Variants in DPP6 observed in about 807,000 individuals in gnomAD.
DPP6 encodes dipeptidyl peptidase like 6.
Under a neutral mutation model 122.6 loss-of-function variants are expected in DPP6, and 69 were observed. The ratio of observed to expected loss-of-function variants is 0.56; its 90% CI spans 0.46 to 0.69. The LOEUF is 0.69. Ranked by LOEUF, DPP6 falls within the 30% of genes least tolerant of loss-of-function variation. The pLI is 0.00. For synonymous variants in DPP6, 418 were observed against 433.1 expected, an observed-to-expected ratio of 0.97 and a Z score of 0.43; for missense variants, 928 against 1,116.9, an observed-to-expected ratio of 0.83 and a Z score of 2.41.
the DPP6 span, among the ~76,000 whole-genome samples, chr7:153,867,492 A>C: frequency 6.6e-6 from 1 of 152,194 alleles, no homozygotes; most frequent in Non-Finnish European, 1.5e-5. Flanking sequence ...ATATTTGCAC[A>C]TTGATTTTGT....
the DPP6 span, among the ~76,000 whole-genome samples, chr7:153,798,953 A>G: frequency 9.2e-5 from 14 of 152,302 alleles, no homozygotes; most frequent in East Asian, 1.4e-3. Flanking sequence ...ATCTAATGCC[A>G]CTGCTGATCT....
intron 5 of DPP6, among the ~76,000 whole-genome samples, chr7:154,608,222 G>A (rs899021651): frequency 3.3e-5 from 5 of 150,306 alleles, no homozygotes; most frequent in Admixed American, 6.7e-5. Flanking sequence ...CTCGTGATCC[G>A]CCCCCTCGGC....
At chr7:153,772,459 T>TA in the DPP6 span, among the ~76,000 whole-genome samples, 190 of 151,860 alleles carry the variant, frequency 1.3e-3, 4 homozygotes, top group African/African-American at 4.2e-3. Flanking sequence ...CAACCACCAA[T>TA]AAAATGTGTA....
intron 1 of DPP6, among the ~76,000 whole-genome samples, chr7:154,062,694 C>G (rs529977821): frequency 1.5e-5 from 1 of 65,754 alleles, no homozygotes; most frequent in African/African-American, 9.6e-5. Flanking sequence ...GCTATCCTCT[C>G]TTCCGCACCT....
intron 5 of DPP6, among the ~76,000 whole-genome samples, chr7:154,575,522 ATG>A (rs1315586211): frequency 6.7e-5 from 5 of 74,714 alleles, no homozygotes; most frequent in South Asian, 1.1e-3. Context: ...TGGTGTGTGT[ATG>A]TGCGTAGTGT....
chr7:154,378,259 C>T (rs1025566228), intron 1 of DPP6, among the ~76,000 whole-genome samples: 4 of 152,148 alleles, frequency 2.6e-5, no homozygotes, highest in African/African-American at 9.7e-5. Context: ...TTACTCTATA[C>T]ATGAAAGCAG....
Position 154,052,704 on chromosome 7 carries a change from G to T in DPP6, c.-117G>T. The T allele has an allele frequency of 8.2e-7, 1 of 1,222,118 alleles. No homozygotes were observed. The highest frequency in any genetic ancestry group is 1.6e-5 in the South Asian group (1 of 61,286). The allele number at this position is 1,222,118 out of a possible 1,614,324, so 75.7% of individuals were successfully genotyped here. A position where few individuals can be genotyped will look rare whatever the true frequency, so the allele number is the denominator to read the frequency against. The stretch of plus-strand genomic sequence containing the variant: ...GGCTTGCCTTGCTGCTGCTGCTGCT[G>T]CTGCCTCCCCACCGCCTTTTTTTTT... On this transcript the variant is annotated 5_prime_UTR_variant, in exon 1 of 26. Transcript: ENST00000377770. This position sits in a 1 kb window ranked among gnomAD's most constrained non-coding sequence, Gnocchi z 4.8.
chr7:154,399,252 C>T (rs1275607049), intron 1 of DPP6, among the ~76,000 whole-genome samples: 3 of 152,134 alleles, frequency 2.0e-5, no homozygotes, highest in Non-Finnish European at 2.9e-5. Flanking sequence ...CCCAGGTAAC[C>T]GTGATCTTTG....
the DPP6 span, among the ~76,000 whole-genome samples, chr7:153,798,173 A>G: frequency 3.3e-5 from 5 of 152,172 alleles, no homozygotes; most frequent in African/African-American, 7.2e-5. Context: ...CGCTAATCCC[A>G]TCATGGGAGC....
rs527875516 is a variant in DPP6, at chr7:153,944,269, ATG to A, written c.51+56541_51+56542del. On this transcript the variant is annotated intron_variant, in intron 1 of 25. Coordinates refer to the DPP6 transcript ENST00000404039. ...TGTTTGCATGGGTGTGCGTTTGTGCATGTGTGTTCACCGCCACTAGAGTGAGT... is the reference window on the plus strand; with the variant it reads ...TGTTTGCATGGGTGTGCGTTTGTGCATGTGTTCACCGCCACTAGAGTGAGT... Among the ~76,000 whole-genome samples, 15 of 152,252 alleles carry A rather than the reference ATG, an allele frequency of 9.9e-5. No individual in the cohort carries two copies. In the South Asian group the frequency reaches 2.9e-3, roughly 30 times the overall value.
At chr7:154,688,053 G>A (rs1334194330) in intron 7 of DPP6, among the ~76,000 whole-genome samples, 9 of 152,168 alleles carry the variant, frequency 5.9e-5, no homozygotes, top group Admixed American at 6.5e-5. Flanking sequence ...AACACCACAC[G>A]TTCTTACTAC....
At chr7:153,931,383 A>C (rs555220053) in intron 1 of DPP6, among the ~76,000 whole-genome samples, 2 of 152,338 alleles carry the variant, frequency 1.3e-5, no homozygotes, top group Admixed American at 1.3e-4. Flanking sequence ...CAGTCTTAGC[A>C]CTAAGGCAGC....
the DPP6 span, among the ~76,000 whole-genome samples, chr7:153,780,879 TTCTCATGGGATGGA>T: frequency 0.019 from 2,856 of 152,284 alleles, 34 homozygotes; most frequent in African/African-American, 0.036. Context: ...TAAGAATGTT[TTCTCATGGGATGGA>T]TCACAACCTG....
chr7:154,402,105 C>A (rs1472326582), intron 1 of DPP6, among the ~76,000 whole-genome samples: 3 of 150,988 alleles, frequency 2.0e-5, no homozygotes, highest in African/African-American at 4.9e-5. Flanking sequence ...ACAACAGGTG[C>A]TGGAGAGGAT....
intron 1 of DPP6, among the ~76,000 whole-genome samples, chr7:153,998,830 T>C (rs1392106567): frequency 6.6e-6 from 1 of 152,246 alleles, no homozygotes; most frequent in Non-Finnish European, 1.5e-5. Context: ...CAATTTTCAT[T>C]ACACCCCAGA....
intron 2 of DPP6, among the ~76,000 whole-genome samples, chr7:154,472,891 T>C (rs1316620990): frequency 6.6e-6 from 1 of 152,170 alleles, no homozygotes; most frequent in Non-Finnish European, 1.5e-5. Flanking sequence ...GTTTTAAAAA[T>C]ACCTTTAAAA....
At chr7:154,718,582 A>G (rs372838109) in intron 7 of DPP6, among the ~76,000 whole-genome samples, 7 of 148,380 alleles carry the variant, frequency 4.7e-5, no homozygotes, top group African/African-American at 1.5e-4. Flanking sequence ...TGTGGAACCC[A>G]CAGTGAGGTC....
the DPP6 span, among the ~76,000 whole-genome samples, chr7:153,770,170 G>A: frequency 2.0e-4 from 30 of 152,220 alleles, no homozygotes; most frequent in African/African-American, 6.3e-4. Context: ...TTAATCTGCC[G>A]TGGGAAAGAG....
At chr7:154,749,212 AGG>A (rs1166636294) in intron 8 of DPP6, among the ~76,000 whole-genome samples, 1,768 of 127,268 alleles carry the variant, frequency 0.014, 174 homozygotes, top group African/African-American at 0.022. Flanking sequence ...AGAGAGGGTG[AGG>A]GAGCATAGGA....
Sources: allele counts gnomAD v4.1 joint callset (sites outside exome capture counted in the v4.1 genomes callset), GRCh38; gene constraint gnomAD v4.1.1; non-coding constraint Gnocchi (gnomAD v3.1); transcripts MANE v1.5; gene names NCBI Gene and HGNC (gene_info 2026-07-23, HGNC 2026-07-21).